The following CCDC88C variants were observed in gnomAD, a reference collection of about 807,000 sequenced individuals.
CCDC88C encodes the protein coiled-coil and HOOK domain protein 88C, also known as protein Daple.
Under a neutral mutation model 198.8 loss-of-function variants are expected in CCDC88C, and 131 were observed. That is an observed-to-expected ratio of 0.66 (90% CI 0.57 to 0.76). CCDC88C has a LOEUF of 0.76. Among genes scored for constraint, CCDC88C ranks in the 30% least tolerant of loss-of-function variants. CCDC88C has a pLI of 0.00. For synonymous variants in CCDC88C, 1,166 were observed against 1,114.7 expected, an observed-to-expected ratio of 1.05 and a Z score of -0.92; for missense variants, 2,553 against 2,631.6, an observed-to-expected ratio of 0.97 and a Z score of 0.65.
intron 10 of CCDC88C, among the ~76,000 whole-genome samples, chr14:91,330,463 G>C (rs896210634): frequency 6.6e-6 from 1 of 152,218 alleles, no homozygotes; most frequent in Non-Finnish European, 1.5e-5. Flanking sequence ...AGACTGGCCA[G>C]TCCAGACCAT....
intron 3 of CCDC88C, among the ~76,000 whole-genome samples, chr14:91,375,767 G>A (rs564110925): frequency 1.3e-5 from 2 of 152,312 alleles, no homozygotes; most frequent in South Asian, 2.1e-4. Context: ...AACCCTGTCC[G>A]TGCCCGGAGC....
In CCDC88C at chr14:91,303,708, C is replaced by T. The variant is rs375732526; in HGVS notation, c.3628G>A (p.Gly1210Arg). The change falls in exon 20 of 30, where the codon GGG becomes AGG. Residue 1210 changes from glycine (G) to arginine (R), a missense_variant. By Grantham distance (125) the Gly-to-Arg change is moderately radical (BLOSUM62 -2). Coordinates refer to ENST00000389857, the MANE Select transcript of CCDC88C (RefSeq NM_001080414.4). ...TCCTTCCCCAGGCCCTACCTCTCCC[C>T]GAGCTCCTTGTGCTCCAGCTCCAGA... ...RNLELEHKEL[G>R]ERHGDMLKRK... The T allele has an allele frequency of 2.9e-5, 46 of 1,586,530 alleles. No homozygotes were observed. The highest frequency in any genetic ancestry group is 7.2e-5 in the Admixed American group (4 of 55,904).
chr14:91,272,914 G>T lies in CCDC88C; in HGVS notation c.5798C>A (p.Ala1933Glu). 6.3e-7 allele frequency: 1 copy of T among 1,575,328 alleles called. No individual in the cohort carries two copies. Among genetic ancestry groups the T allele is most frequent in the Non-Finnish European group, 8.6e-7 (1 of 1,165,074 alleles). The change falls in exon 30 of 30, where the codon GCA becomes GAA. Residue 1933 changes from alanine to glutamate, a missense_variant. By Grantham distance (107) the Ala-to-Glu change is moderately radical. Around this residue, in one of 2 missense-constraint regions of CCDC88C, gnomAD observed 1,293 missense variants for 1,219.6 expected, o/e 1.06. Transcript: ENST00000389857. ...NSQLLHFSPAAAPAARTKPKA... is the reference protein window; with the variant it reads ...NSQLLHFSPAEAPAARTKPKA... ...GGGCTTGGTCCTGGCAGCCGGGGCTGCAGCAGGTGAGAAGTGCAGGAGCTG... is the reference window on the plus strand; with the variant it reads ...GGGCTTGGTCCTGGCAGCCGGGGCTTCAGCAGGTGAGAAGTGCAGGAGCTG...
intron 17 of CCDC88C, among the ~76,000 whole-genome samples, 183 bp from the exon 18 acceptor site, chr14:91,307,409 C>A (rs1311680419): frequency 6.6e-6 from 1 of 152,222 alleles, no homozygotes; most frequent in Non-Finnish European, 1.5e-5. Context: ...CTCTGCCCTA[C>A]ATTTTCCCTT....
In CCDC88C at chr14:91,338,924, G is replaced by A. The variant is rs1893180526; in HGVS notation, c.809+354C>T. 1 of 474,806 alleles carries A rather than the reference G, an allele frequency of 2.1e-6. No homozygotes were observed. The highest frequency in any genetic ancestry group is 2.0e-5 in the African/African-American group (1 of 51,104). 29.4% of individuals were successfully genotyped at this position (474,806 alleles called of 1,614,324 possible). On this transcript the variant is annotated intron_variant, in intron 8 of 29. Coordinates refer to ENST00000389857, the MANE Select transcript of CCDC88C (RefSeq NM_001080414.4). The surrounding 1 kb of genome is among the most constrained non-coding windows in gnomAD (Gnocchi z 4.8). The stretch of plus-strand genomic sequence containing the variant: ...CTGGGAGAACAGGCTCACCAGATTG[G>A]AGGGAAGGAGGGGCACCTCATCCCT...
Position 91,313,126 on chromosome 14 carries a change from G to T in CCDC88C, c.2690C>A (p.Thr897Asn), listed in dbSNP as rs758694184. 32 of 1,604,924 alleles carry T rather than the reference G, an allele frequency of 2.0e-5. No homozygotes were observed. The East Asian group carries it at 6.7e-4, about 34-fold the overall frequency. The change falls in exon 15 of 30, where the codon ACC becomes AAC. Residue 897 changes from threonine (T) to asparagine (N), a missense_variant. This residue lies in a region of CCDC88C where 1,260 missense variants were observed against 1,412.0 expected (regional missense o/e 0.89). Transcript: ENST00000389857. The surrounding 1 kb of genome is among the most constrained non-coding windows in gnomAD (Gnocchi z 5.2). ...KELEKDNRDL[T>N]KQVTVHARTL... ...CCTTGCATGCACGGTGACTTGCTTG[G>T]TGAGGTCCCGGTTGTCCTTCTCCAG...
In CCDC88C at chr14:91,313,309, A is replaced by G; in HGVS notation, c.2507T>C (p.Leu836Pro). The G allele has an allele frequency of 6.2e-7, 1 of 1,613,850 alleles. No homozygotes were observed. The highest frequency in any genetic ancestry group is 8.5e-7 in the Non-Finnish European group (1 of 1,179,884). The change falls in exon 15 of 30, where the codon CTG becomes CCG. Residue 836 changes from leucine (L) to proline (P), a missense_variant. Transcript: ENST00000389857. The surrounding 1 kb of genome is among the most constrained non-coding windows in gnomAD (Gnocchi z 5.2). ...CAGCCGCTTGGCCTCCTTCTCCAGC[A>G]GCTTCTTATCCTTCTCGAGCTGGGC... ...EVAQLEKDKKLLEKEAKRLWQ... is the reference protein window; with the variant it reads ...EVAQLEKDKKPLEKEAKRLWQ...
intron 25 of CCDC88C, among the ~76,000 whole-genome samples, chr14:91,283,938 C>T (rs1033475253): frequency 4.6e-5 from 7 of 152,352 alleles, no homozygotes; most frequent in Admixed American, 1.3e-4. Flanking sequence ...GTCCTGCTAA[C>T]CTGACTCACT....
chr14:91,382,242 C>A (rs564432154), intron 3 of CCDC88C, among the ~76,000 whole-genome samples: 1 of 152,154 alleles, frequency 6.6e-6, no homozygotes, highest in African/African-American at 2.4e-5. Context: ...CAAATCTCAA[C>A]GCAGAGGCCT....
At chr14:91,340,635 G>T (rs1185193031) in intron 6 of CCDC88C, among the ~76,000 whole-genome samples, 1 of 152,066 alleles carries the variant, frequency 6.6e-6, no homozygotes, top group Non-Finnish European at 1.5e-5. Flanking sequence ...TCTGCCACAG[G>T]AGACAGGATC....
chr14:91,394,070 A>C (rs945806365), intron 3 of CCDC88C, among the ~76,000 whole-genome samples: 1 of 152,192 alleles, frequency 6.6e-6, no homozygotes, highest in Non-Finnish European at 1.5e-5. Flanking sequence ...TAAGGTTTGG[A>C]AAGGAGGCAA....
rs1248014020 is a variant in CCDC88C at position 91,290,907 on chromosome 14, C to T, written c.4202+88G>A. The T allele has an allele frequency of 3.9e-6, 3 of 770,112 alleles. No homozygotes were observed. The East Asian group carries it at 8.0e-5, about 20-fold the overall frequency. The allele number at this position is 770,112 out of a possible 1,614,324, so 47.7% of individuals were successfully genotyped here. ...CTGTGCACAGGTGGATGGTGCGGGG[C>T]CTGCCCTAGATGGCTGCTTTCACCC... On this transcript the variant is annotated intron_variant, in intron 24 of 29. Transcript: ENST00000389857.
chr14:91,300,301 G>A (rs1427191329), intron 20 of CCDC88C, among the ~76,000 whole-genome samples: 2 of 152,186 alleles, frequency 1.3e-5, no homozygotes, highest in African/African-American at 4.8e-5. Flanking sequence ...CCTCCAGCCC[G>A]TTCTGTCTCC....
chr14:91,339,005 G>A lies in CCDC88C; in HGVS notation c.809+273C>T, dbSNP rs1011410562. 3.2e-5 allele frequency: 18 copies of A among 555,480 alleles called. No homozygotes were observed. The highest frequency in any genetic ancestry group is 3.9e-5 in the Non-Finnish European group (12 of 305,260). 34.4% of individuals were successfully genotyped at this position (555,480 alleles called of 1,614,324 possible). On this transcript the variant is annotated intron_variant, in intron 8 of 29. Transcript: ENST00000389857. The surrounding 1 kb of genome is among the most constrained non-coding windows in gnomAD (Gnocchi z 5.8). ...TCCCGGCCCCAAGCTGGAGCTGAGCGTGGACTGGAGGCTGCTTCTGTGGAC... is the reference window on the plus strand; with the variant it reads ...TCCCGGCCCCAAGCTGGAGCTGAGCATGGACTGGAGGCTGCTTCTGTGGAC...
rs1016922679 is a variant in CCDC88C at position 91,288,817 on chromosome 14, T to C, written c.4441+288A>G. On this transcript the variant is annotated intron_variant, in intron 25 of 29. Coordinates refer to ENST00000389857, the MANE Select transcript of CCDC88C (RefSeq NM_001080414.4). This position sits in a 1 kb window ranked among gnomAD's most constrained non-coding sequence, Gnocchi z 4.2. ...TACGTAGGAGGCTGAGGCAGGAGAA[T>C]CACTTGAACCTGGGAGGCAGCCAGG... is the stretch of plus-strand genomic sequence containing the variant. 8 of 285,808 alleles carry C rather than the reference T, an allele frequency of 2.8e-5. No homozygotes were observed. The highest frequency in any genetic ancestry group is 5.2e-5 in the Non-Finnish European group (8 of 153,170). 17.7% of individuals were successfully genotyped at this position (285,808 alleles called of 1,614,324 possible).
chr14:91,390,412 G>T (rs1051679974), intron 3 of CCDC88C, among the ~76,000 whole-genome samples: 1 of 152,238 alleles, frequency 6.6e-6, no homozygotes, highest in African/African-American at 2.4e-5. Flanking sequence ...AACACCGAAA[G>T]TATGCCCCGT....
intron 22 of CCDC88C, among the ~76,000 whole-genome samples, chr14:91,296,449 C>T (rs1055829684): frequency 3.9e-5 from 6 of 152,232 alleles, no homozygotes; most frequent in African/African-American, 1.4e-4. Context: ...GACGCACCTG[C>T]CTGTGACAGC....
At position 91,389,347 on chromosome 14, in the gene CCDC88C, T is replaced by A. The variant is rs186388487; in HGVS notation, c.270+19312A>T. ...CTTCCCGGCTTCCCCAGGGGAAAAG[T>A]CAACAACTGCTCTTGAAGATGTGAT... On this transcript the variant is annotated intron_variant, in intron 3 of 29. Coordinates refer to ENST00000389857, the MANE Select transcript of CCDC88C (RefSeq NM_001080414.4). Among the ~76,000 whole-genome samples, 6 of 152,250 alleles carry A rather than the reference T, an allele frequency of 3.9e-5. No homozygotes were observed. The East Asian group carries it at 9.7e-4, about 25-fold the overall frequency.
chr14:91,334,203 T>C (rs369235935), intron 10 of CCDC88C, among the ~76,000 whole-genome samples: 1 of 152,244 alleles, frequency 6.6e-6, no homozygotes, highest in African/African-American at 2.4e-5. Flanking sequence ...GGGTCTTTTC[T>C]AATCTAAGGT....
Sources: allele counts gnomAD v4.1 joint callset (sites outside exome capture counted in the v4.1 genomes callset), GRCh38; gene constraint gnomAD v4.1.1; regional missense constraint gnomAD v4.1.1; non-coding constraint Gnocchi (gnomAD v3.1); transcripts MANE v1.5; gene names NCBI Gene and HGNC (gene_info 2026-07-23, HGNC 2026-07-21).